The following RALGAPA1 variants were observed in gnomAD, a reference collection of about 807,000 sequenced individuals.
RALGAPA1 encodes ral GTPase-activating protein subunit alpha-1.
Under a neutral mutation model 269.6 loss-of-function variants are expected in RALGAPA1, and 52 were observed. The ratio of observed to expected loss-of-function variants is 0.19; its 90% CI spans 0.15 to 0.24. The LOEUF (loss-of-function observed/expected upper bound fraction) is 0.24. RALGAPA1 is among the 10% of genes least tolerant of loss of function. The probability of loss-of-function intolerance (pLI) is 1.00; values close to 1 mark genes in which losing one functional copy is unlikely to be tolerated. For synonymous variants in RALGAPA1, 817 were observed against 1,008.3 expected (o/e 0.81, Z 3.60); for missense variants, 1,917 against 3,013.9 (o/e 0.64, Z 8.52).
chr14:35,680,275 G>A (rs138424377), intron 21 of RALGAPA1, among the ~76,000 whole-genome samples: 576 of 152,108 alleles, frequency 3.8e-3, no homozygotes, highest in Middle Eastern at 0.01. Flanking sequence ...CGGCATGATC[G>A]TGGCTCACTG....
intron 7 of RALGAPA1, among the ~76,000 whole-genome samples, chr14:35,754,702 C>T (rs955689457): frequency 7.2e-5 from 11 of 152,146 alleles, no homozygotes; most frequent in Non-Finnish European, 1.5e-4. Flanking sequence ...TTGACCCAGC[C>T]ATTCTACTGT....
chr14:35,806,985 A>G (rs2077424774), intron 1 of RALGAPA1, among the ~76,000 whole-genome samples: 1 of 152,184 alleles, frequency 6.6e-6, no homozygotes, highest in South Asian at 2.1e-4. Context: ...AAAATGCCTT[A>G]TATGTGTGAC....
At chr14:35,643,775 G>A (rs368917846) in intron 31 of RALGAPA1, among the ~76,000 whole-genome samples, 1 of 152,158 alleles carries the variant, frequency 6.6e-6, no homozygotes, top group African/African-American at 2.4e-5. Flanking sequence ...AGTGAAATAA[G>A]CCAGGCACAG....
At chr14:35,540,652 T>G (rs1445564404) in intron 41 of RALGAPA1, among the ~76,000 whole-genome samples, 2 of 152,116 alleles carry the variant, frequency 1.3e-5, no homozygotes, top group East Asian at 1.9e-4. Flanking sequence ...TAAAAGTCCT[T>G]CAGAAAAAAA....
At chr14:35,646,895 T>C (rs1015781123) in intron 31 of RALGAPA1, among the ~76,000 whole-genome samples, 10 of 152,190 alleles carry the variant, frequency 6.6e-5, no homozygotes, top group African/African-American at 1.9e-4. Context: ...TGAACCAATA[T>C]AAATAATTCT....
At chr14:35,590,256 C>G (rs1205098041) in intron 37 of RALGAPA1, among the ~76,000 whole-genome samples, 1 of 152,222 alleles carries the variant, frequency 6.6e-6, no homozygotes, top group Non-Finnish European at 1.5e-5. Flanking sequence ...TACCCCACCA[C>G]TCATTGCAAT....
rs1197985590 is a variant in RALGAPA1, at chr14:35,743,440, T to C, written c.1252-875A>G. On this transcript the variant is annotated intron_variant, in intron 10 of 41. Coordinates refer to ENST00000680220, the MANE Select transcript of RALGAPA1 (RefSeq NM_001346249.2). ...TGATATTCCTTGCTTCCTGAAATAA[T>C]TGAGCTCTTACAAAGGTCAATATAA... 5.9e-5 allele frequency among the ~76,000 whole-genome samples: 9 copies of C among 152,202 alleles called. No homozygotes were observed. In the South Asian group the frequency reaches 6.2e-4, roughly 10 times the overall value.
At chr14:35,759,438 T>C (rs560318007) in intron 6 of RALGAPA1, among the ~76,000 whole-genome samples, 5 of 152,234 alleles carry the variant, frequency 3.3e-5, no homozygotes, top group East Asian at 1.9e-4. Context: ...ATGGGCCCAA[T>C]TGGCTGTTAA....
In RALGAPA1 at chr14:35,634,554, C is replaced by T. The variant is rs1300184171; in HGVS notation, c.5995+20G>A. 5.6e-6 allele frequency: 9 copies of T among 1,598,136 alleles called. No homozygotes were observed. Among genetic ancestry groups the T allele is most frequent in the Non-Finnish European group, 7.7e-6 (9 of 1,172,404 alleles). ...AGAGAACCCAAGCAACAATATTGTC[C>T]TGAACAGAATTCATGTTACCTTCTG... On this transcript the variant is annotated intron_variant, in intron 33 of 41. Transcript: ENST00000680220.
intron 10 of RALGAPA1, among the ~76,000 whole-genome samples, chr14:35,745,464 C>T (rs1038917673): frequency 1.2e-4 from 18 of 150,784 alleles, no homozygotes; most frequent in Non-Finnish European, 2.7e-4. Flanking sequence ...ATTATCCAGC[C>T]TTTAAAAAGC....
At chr14:35,754,398 A>G (rs1282933620) in intron 7 of RALGAPA1, among the ~76,000 whole-genome samples, 1 of 152,198 alleles carries the variant, frequency 6.6e-6, no homozygotes, top group African/African-American at 2.4e-5. Flanking sequence ...CAATTTAAAA[A>G]TGGGCAAAAA....
chr14:35,750,925 G>T (rs887628529), intron 8 of RALGAPA1, among the ~76,000 whole-genome samples: 2 of 152,070 alleles, frequency 1.3e-5, no homozygotes, highest in Non-Finnish European at 2.9e-5. Context: ...ATATCAAAAA[G>T]TTCAGTGAAC....
At chr14:35,718,367 G>A (rs1321954991) in intron 16 of RALGAPA1, among the ~76,000 whole-genome samples, 2 of 152,146 alleles carry the variant, frequency 1.3e-5, no homozygotes, top group Non-Finnish European at 2.9e-5. Context: ...CTATAAGCCT[G>A]TATCGACATA....
chr14:35,594,333 C>T (rs2058807369), intron 37 of RALGAPA1, among the ~76,000 whole-genome samples: 1 of 152,088 alleles, frequency 6.6e-6, no homozygotes, highest in South Asian at 2.1e-4. Context: ...AACGAAAAGG[C>T]ACCCTACAGA....
At chr14:35,631,499 A>G (rs1394715024) in intron 33 of RALGAPA1, among the ~76,000 whole-genome samples, 1 of 152,182 alleles carries the variant, frequency 6.6e-6, no homozygotes, top group African/African-American at 2.4e-5. Context: ...TTTTTGATAT[A>G]GAAAAAGATT....
intron 41 of RALGAPA1, among the ~76,000 whole-genome samples, chr14:35,540,140 TC>T (rs2053833379): frequency 6.6e-6 from 1 of 152,104 alleles, no homozygotes; most frequent in Non-Finnish European, 1.5e-5. Context: ...ACCACGGGTT[TC>T]AAAAAGGAAG....
chr14:35,722,187 T>C (rs925344766), intron 15 of RALGAPA1, among the ~76,000 whole-genome samples: 2 of 152,170 alleles, frequency 1.3e-5, no homozygotes, highest in South Asian at 4.1e-4. Context: ...GATTACTAAA[T>C]CTCTAATCTG....
At chr14:35,540,757 T>C (rs1460257579) in intron 41 of RALGAPA1, among the ~76,000 whole-genome samples, 1 of 152,210 alleles carries the variant, frequency 6.6e-6, no homozygotes, top group African/African-American at 2.4e-5. Context: ...TTTCTTTATG[T>C]GTTTTACAAA....
chr14:35,724,218 G>A (rs1396105386), intron 14 of RALGAPA1, among the ~76,000 whole-genome samples: 1 of 152,044 alleles, frequency 6.6e-6, no homozygotes, highest in Admixed American at 6.6e-5. Context: ...GGCTAATGAA[G>A]TTAAGAGGAG....
Sources: allele counts gnomAD v4.1 joint callset (sites outside exome capture counted in the v4.1 genomes callset), GRCh38; gene constraint gnomAD v4.1.1; transcripts MANE v1.5; gene names NCBI Gene and HGNC (gene_info 2026-07-23, HGNC 2026-07-21).